Variants in POC1A observed in about 807,000 individuals in gnomAD.
POC1A encodes the protein POC1 centriolar protein homolog A.
In POC1A, 34 loss-of-function variants were observed where a neutral mutation model predicts 47.8. That is an observed-to-expected ratio of 0.71 (90% CI 0.54 to 0.95). The LOEUF is 0.95. Ranked by LOEUF, POC1A falls within the 40% of genes least tolerant of loss-of-function variation. The pLI, the probability that POC1A is intolerant of heterozygous loss-of-function variation, is 0.00. For synonymous variants in POC1A, 177 were observed against 207.6 expected (o/e 0.85, Z 1.27); for missense variants, 466 against 528.3 (o/e 0.88, Z 1.16).
rs1698471123 is a variant in POC1A, at chr3:52,149,230, G to C, written c.435C>G (p.Ile145Met). Residue 145 changes from isoleucine (I) to methionine (M), a missense_variant, in exon 4 of 11, where the codon ATC becomes ATG. Physicochemically the swap from Ile to Met is conservative, Grantham distance 10 (BLOSUM62 1). Transcript: ENST00000296484. ...QKFLFSLSQHINWVRCAKFSP... is the reference protein window; with the variant it reads ...QKFLFSLSQHMNWVRCAKFSP... Reference sequence around the variant, plus strand: ...CTCACTTGGCACAGCGGACCCAGTTGATATGCTGGCTCAGGGAGAACAGGA... The same window carrying C: ...CTCACTTGGCACAGCGGACCCAGTTCATATGCTGGCTCAGGGAGAACAGGA... 2 of 1,614,004 alleles carry C rather than the reference G, an allele frequency of 1.2e-6. No homozygotes were observed. The highest frequency in any genetic ancestry group is 1.7e-5 in the Admixed American group (1 of 60,000).
chr3:52,149,168 C>G, intron 4 of POC1A, 42 bp downstream of exon 4: 1 of 1,596,840 alleles, frequency 6.3e-7, no homozygotes, highest in Non-Finnish European at 8.6e-7. Flanking sequence ...GCCCCCAACC[C>G]CCAGGGTTCC....
chr3:52,077,660 C>A (rs1559804432), intron 10 of POC1A, among the ~76,000 whole-genome samples: 1 of 152,262 alleles, frequency 6.6e-6, no homozygotes, highest in Non-Finnish European at 1.5e-5. Context: ...CCCTGGCTGG[C>A]CCGGGGCAGC....
intron 1 of POC1A, among the ~76,000 whole-genome samples, chr3:52,153,673 GGGCCT>G (rs1559858081): frequency 6.6e-6 from 1 of 152,232 alleles, no homozygotes; most frequent in African/African-American, 2.4e-5. Flanking sequence ...CCCTGCATGT[GGGCCT>G]CATCTCCCTC....
At position 52,116,074 on chromosome 3, in the gene POC1A, C is replaced by T. The variant is rs1577865225; in HGVS notation, c.981+6305G>A. On this transcript the variant is annotated intron_variant, in intron 9 of 10. Transcript: ENST00000296484. ...ATGAGGTGGAAATGGGTCTCCTCTC[C>T]CTGTTTCTCCAACTCTCTAATTCCT... is the stretch of plus-strand genomic sequence containing the variant. Among the ~76,000 whole-genome samples the T allele has an allele frequency of 2.0e-5, 3 of 152,220 alleles. No homozygotes were observed. The East Asian group carries it at 5.8e-4, about 29-fold the overall frequency.
intron 4 of POC1A, among the ~76,000 whole-genome samples, chr3:52,148,663 G>A (rs1698450023): frequency 6.6e-6 from 1 of 152,182 alleles, no homozygotes; most frequent in Admixed American, 6.5e-5. Context: ...GCCCCCATCT[G>A]GGAGCTCTGG....
chr3:52,131,975 C>G (rs190509179), intron 7 of POC1A, among the ~76,000 whole-genome samples: 5 of 152,292 alleles, frequency 3.3e-5, no homozygotes, highest in Admixed American at 3.3e-4. Flanking sequence ...TCAGCATCAC[C>G]AGGACCATGT....
intron 9 of POC1A, among the ~76,000 whole-genome samples, chr3:52,115,090 C>T (rs1054157700): frequency 2.0e-5 from 3 of 152,114 alleles, no homozygotes; most frequent in Non-Finnish European, 4.4e-5. Context: ...GGGTAACTTG[C>T]CTGGGCATCT....
At position 52,110,196 on chromosome 3, in the gene POC1A, G is replaced by A. The variant is rs1371342535; in HGVS notation, c.981+12183C>T. ...ACACATACTGAGCACCATGGCAAGA[G>A]CAAGGCCCCAGCCCTCCAGGGAGAA... On this transcript the variant is annotated intron_variant, in intron 9 of 10. Coordinates refer to ENST00000296484, the MANE Select transcript of POC1A (RefSeq NM_015426.5). 3.9e-5 allele frequency among the ~76,000 whole-genome samples: 6 copies of A among 152,196 alleles called. No individual in the cohort carries two copies. The East Asian group carries it at 1.2e-3, about 29-fold the overall frequency.
At chr3:52,124,094 C>T (rs1180182018) in intron 8 of POC1A, among the ~76,000 whole-genome samples, 2 of 152,208 alleles carry the variant, frequency 1.3e-5, no homozygotes, top group African/African-American at 4.8e-5. Context: ...GACCAGGACT[C>T]GTATAGGCCA....
intron 6 of POC1A, among the ~76,000 whole-genome samples, chr3:52,142,032 C>T (rs138824587): frequency 2.0e-5 from 3 of 152,290 alleles, no homozygotes; most frequent in Non-Finnish European, 4.4e-5. Context: ...AGGAACCGAG[C>T]GTGAGCCTGT....
At chr3:52,136,270 A>G (rs1704458119) in intron 7 of POC1A, among the ~76,000 whole-genome samples, 1 of 152,096 alleles carries the variant, frequency 6.6e-6, no homozygotes, top group Non-Finnish European at 1.5e-5. Flanking sequence ...TGAGCCTCAC[A>G]CGCTGACTCC....
intron 7 of POC1A, among the ~76,000 whole-genome samples, chr3:52,130,689 G>A (rs949874264): frequency 1.1e-4 from 17 of 152,230 alleles, no homozygotes; most frequent in Non-Finnish European, 1.5e-5. Context: ...AAAATGCCTA[G>A]ACAGGAGCTA....
At position 52,090,018 on chromosome 3, in the gene POC1A, A is replaced by G. The variant is rs1702593387; in HGVS notation, c.1125+6551T>C. Among the ~76,000 whole-genome samples the G allele has an allele frequency of 1.3e-5, 2 of 152,180 alleles. No individual in the cohort carries two copies. The highest frequency in any genetic ancestry group is 4.8e-5 in the African/African-American group (2 of 41,426). On this transcript the variant is annotated intron_variant, in intron 10 of 10. Transcript: ENST00000296484. This position sits in a 1 kb window ranked among gnomAD's most constrained non-coding sequence, Gnocchi z 4.2. Reference sequence around the variant, plus strand: ...TCTCAAAGCAAATAGGCCATTCTCTATCCCCAAAGCAAACAGGCAAAAATC... The same window carrying G: ...TCTCAAAGCAAATAGGCCATTCTCTGTCCCCAAAGCAAACAGGCAAAAATC...
At chr3:52,098,635 G>C (rs1298026505) in intron 9 of POC1A, among the ~76,000 whole-genome samples, 1 of 152,156 alleles carries the variant, frequency 6.6e-6, no homozygotes, top group South Asian at 2.1e-4. Context: ...TGACAATAAA[G>C]AGAACTAAGG....
At chr3:52,094,325 G>A (rs1284653435) in intron 10 of POC1A, among the ~76,000 whole-genome samples, 1 of 152,236 alleles carries the variant, frequency 6.6e-6, no homozygotes, top group Admixed American at 6.5e-5. Flanking sequence ...GGATGGTGGT[G>A]GCCGCCTGGC....
Position 52,090,524 on chromosome 3 carries a change from T to C in POC1A, c.1125+6045A>G, listed in dbSNP as rs907758096. Among the ~76,000 whole-genome samples the C allele has an allele frequency of 6.6e-6, 1 of 151,784 alleles. No individual in the cohort carries two copies. The highest frequency in any genetic ancestry group is 2.4e-5 in the African/African-American group (1 of 41,278). ...AGACACCACTGAAACCTGTTACTCC[T>C]GAGGGCAGCTGAGCACTGTGCAGCA... is the stretch of plus-strand genomic sequence containing the variant. On this transcript the variant is annotated intron_variant, in intron 10 of 10. Transcript: ENST00000296484. The surrounding 1 kb of genome is among the most constrained non-coding windows in gnomAD (Gnocchi z 4.2).
chr3:52,124,877 G>A (rs1020275336), intron 8 of POC1A, among the ~76,000 whole-genome samples: 3 of 152,198 alleles, frequency 2.0e-5, no homozygotes, highest in African/African-American at 7.2e-5. Context: ...CCTGAGCAGT[G>A]AGGATTCTGA....
At position 52,149,960 on chromosome 3, in the gene POC1A, A is replaced by G; in HGVS notation, c.131T>C (p.Met44Thr). ...TGACTGCGGCTTCATGTGCCAGACCATGAGGCATGAGTCCATGGAGCCACT... is the reference window on the plus strand; with the variant it reads ...TGACTGCGGCTTCATGTGCCAGACCGTGAGGCATGAGTCCATGGAGCCACT... The part of the protein sequence containing the change: ...LASGSMDSCL[M>T]VWHMKPQSRA... The change falls in exon 3 of 11, where the codon ATG becomes ACG. Residue 44 changes from methionine (M) to threonine (T), a missense_variant. Physicochemically the swap from Met to Thr is moderately conservative, Grantham distance 81. Coordinates refer to ENST00000296484, the MANE Select transcript of POC1A (RefSeq NM_015426.5). 6.2e-6 allele frequency: 10 copies of G among 1,613,644 alleles called. No homozygotes were observed. The highest frequency in any genetic ancestry group is 8.5e-6 in the Non-Finnish European group (10 of 1,179,982).
intron 7 of POC1A, among the ~76,000 whole-genome samples, chr3:52,137,219 A>C (rs1704506229): frequency 6.6e-6 from 1 of 152,116 alleles, no homozygotes; most frequent in African/African-American, 2.4e-5. Context: ...GACCTTGAGG[A>C]AGTAGAAGAA....
Sources: gnomAD v4.1 joint callset for allele counts (sites outside exome capture counted in the v4.1 genomes callset) on GRCh38, gnomAD v4.1.1 for gene constraint, Gnocchi (gnomAD v3.1) non-coding constraint, MANE v1.5 for transcripts, NCBI Gene and HGNC (gene_info 2026-07-23, HGNC 2026-07-21) for gene names.